PRKDC: variants seen among roughly 807,000 people sequenced by gnomAD.
The protein encoded by PRKDC is DNA-dependent protein kinase catalytic subunit.
PRKDC carries 82 observed loss-of-function variants against 486.9 expected under a neutral mutation model. That is an observed-to-expected ratio of 0.17 (90% CI 0.14 to 0.20). The LOEUF (loss-of-function observed/expected upper bound fraction) is 0.20, where lower values mean the gene tolerates loss of function less well. PRKDC is among the 10% of genes least tolerant of loss of function. The pLI is 1.00. For missense variants in PRKDC, 4,504 were observed against 5,038.2 expected (o/e 0.89, Z 3.21); for synonymous variants, 1,895 against 1,837.0 (o/e 1.03, Z -0.81).
At chr8:47,940,595 CAT>C (rs2090427953) in intron 10 of PRKDC, among the ~76,000 whole-genome samples, 1 of 152,208 alleles carries the variant, frequency 6.6e-6, no homozygotes, top group Non-Finnish European at 1.5e-5. Context: ...CTTCACAAAA[CAT>C]ATCATAAATG....
intron 52 of PRKDC, 137 bp downstream of exon 52, chr8:47,852,536 A>C (rs1487786576): frequency 1.9e-6 from 1 of 535,424 alleles, no homozygotes; most frequent in African/African-American, 1.9e-5. Flanking sequence ...TATAGTAAGA[A>C]ACAGTAAAAT....
At position 47,807,122 on chromosome 8, in the gene PRKDC, G is replaced by C. The variant is rs368866781; in HGVS notation, c.9747+15C>G. On this transcript the variant is annotated intron_variant, in intron 69 of 85. Coordinates refer to ENST00000314191, the MANE Select transcript of PRKDC (RefSeq NM_006904.7). ...ATCCTGTGACACAGCAGGGAGGACA[G>C]ACACGAGTACCCACCTGCTTCCGGG... 3 of 1,609,308 alleles carry C rather than the reference G, an allele frequency of 1.9e-6. No individual in the cohort carries two copies. The highest frequency in any genetic ancestry group is 2.5e-6 in the Non-Finnish European group (3 of 1,177,252).
At chr8:47,872,362 G>C (rs1483461506) in intron 40 of PRKDC, among the ~76,000 whole-genome samples, 1 of 151,970 alleles carries the variant, frequency 6.6e-6, no homozygotes, top group Non-Finnish European at 1.5e-5. Flanking sequence ...GACAGGAAGG[G>C]AAGCAAGGAG....
chr8:47,856,008 T>C (rs1305721198), intron 49 of PRKDC, among the ~76,000 whole-genome samples: 2 of 152,214 alleles, frequency 1.3e-5, no homozygotes, highest in African/African-American at 2.4e-5. Flanking sequence ...TCCACTCTCT[T>C]GAGTTCAGCT....
At chr8:47,806,392 C>T (rs781289521) in intron 69 of PRKDC, among the ~76,000 whole-genome samples, 1 of 152,204 alleles carries the variant, frequency 6.6e-6, no homozygotes, top group Non-Finnish European at 1.5e-5. Context: ...AGTTCCTGCT[C>T]TGCCTGCCTC....
At chr8:47,886,832 C>A (rs1038896545) in intron 35 of PRKDC, among the ~76,000 whole-genome samples, 1 of 152,014 alleles carries the variant, frequency 6.6e-6, no homozygotes, top group Non-Finnish European at 1.5e-5. Context: ...GGACTACAAG[C>A]ATGTGCCACC....
intron 9 of PRKDC, 134 bp from the exon 10 acceptor site, chr8:47,943,500 A>T: frequency 3.2e-6 from 3 of 935,652 alleles, no homozygotes; most frequent in Non-Finnish European, 4.6e-6. Flanking sequence ...ACAGTAACCC[A>T]GGGATTCCTG....
chr8:47,953,285 C>T (rs554133715), intron 7 of PRKDC, among the ~76,000 whole-genome samples: 12 of 152,226 alleles, frequency 7.9e-5, no homozygotes, highest in African/African-American at 2.4e-4. Flanking sequence ...CCAGCCTGAG[C>T]GACAGAGCAA....
At chr8:47,957,489 C>T (rs563019871) in intron 1 of PRKDC, 58 bp from the exon 2 acceptor site, 45 of 1,326,570 alleles carry the variant, frequency 3.4e-5, no homozygotes, top group Non-Finnish European at 4.6e-5. Context: ...ATGTAAACCA[C>T]TCCTAAAGGG....
intron 38 of PRKDC, among the ~76,000 whole-genome samples, chr8:47,880,038 G>A (rs1014689750): frequency 1.3e-5 from 2 of 151,776 alleles, no homozygotes; most frequent in South Asian, 2.1e-4. Flanking sequence ...TCATAGAGAC[G>A]GGGTTTTGCC....
At chr8:47,781,626 T>A (rs561323409) in intron 80 of PRKDC, among the ~76,000 whole-genome samples, 4 of 152,274 alleles carry the variant, frequency 2.6e-5, no homozygotes, top group Admixed American at 6.5e-5. Flanking sequence ...AATGTACATG[T>A]TAATTGTAGA....
chr8:47,808,143 TTC>T (rs1348121265), intron 68 of PRKDC, among the ~76,000 whole-genome samples: 2 of 152,210 alleles, frequency 1.3e-5, no homozygotes, highest in East Asian at 1.9e-4. Context: ...ACTGAAAATT[TTC>T]TTTTTTATTT....
At position 47,809,092 on chromosome 8, in the gene PRKDC, G is replaced by A. The variant is rs1389642767; in HGVS notation, c.9558-1766C>T. Among the ~76,000 whole-genome samples the A allele has an allele frequency of 6.0e-5, 9 of 150,240 alleles. No individual in the cohort carries two copies. The East Asian group carries it at 1.8e-3, about 30-fold the overall frequency. ...GAGGAAAAAAGGAGAGGAAAGGAGA[G>A]GGGAGGGGAGTGCAGGGGAGTAGAG... On this transcript the variant is annotated intron_variant, in intron 68 of 85. Coordinates refer to ENST00000314191, the MANE Select transcript of PRKDC (RefSeq NM_006904.7).
At chr8:47,793,658 T>G (rs371886483) in intron 74 of PRKDC, among the ~76,000 whole-genome samples, 1 of 37,122 alleles carries the variant, frequency 2.7e-5, no homozygotes, top group African/African-American at 1.2e-4. Context: ...GAAATAAAAA[T>G]AAAAATAAAT....
At chr8:47,855,009 C>T (rs951138439) in intron 50 of PRKDC, among the ~76,000 whole-genome samples, 2 of 152,178 alleles carry the variant, frequency 1.3e-5, no homozygotes, top group Non-Finnish European at 2.9e-5. Flanking sequence ...GTGGGGACAT[C>T]AGAGGCAAGC....
In PRKDC at chr8:47,800,824, A is replaced by G; in HGVS notation, c.10085T>C (p.Leu3362Pro). 6.2e-7 allele frequency: 1 copy of G among 1,612,124 alleles called. No homozygotes were observed. Among genetic ancestry groups the G allele is most frequent in the Non-Finnish European group, 8.5e-7 (1 of 1,179,090 alleles). Reference protein sequence around the residue: ...EEDKARRILELSGSSSEDSEK... With the variant: ...EEDKARRILEPSGSSSEDSEK... ...TGAATCCTCTGAACTGGATCCAGAA[A>G]GCTCTAAGATTCTTCTAGCCTTGTC... Residue 3362 changes from leucine (L) to proline (P), a missense_variant, in exon 71 of 86, where the codon CTT becomes CCT. By Grantham distance (98) the Leu-to-Pro change is moderately conservative. Transcript: ENST00000314191.
At chr8:47,840,513 G>C (rs2088115217) in intron 54 of PRKDC, among the ~76,000 whole-genome samples, 1 of 152,166 alleles carries the variant, frequency 6.6e-6, no homozygotes, top group Non-Finnish European at 1.5e-5. Context: ...CCAAGATTAT[G>C]TAAGGGGGAA....
Position 47,929,951 on chromosome 8 carries a change from C to G in PRKDC, c.1954G>C (p.Glu652Gln). The G allele has an allele frequency of 6.2e-7, 1 of 1,610,916 alleles. No individual in the cohort carries two copies. Among genetic ancestry groups the G allele is most frequent in the Non-Finnish European group, 8.5e-7 (1 of 1,178,844 alleles). The change falls in exon 18 of 86, where the codon GAA becomes CAA. Residue 652 changes from glutamate (E) to glutamine (Q), a missense_variant. Physicochemically the swap from Glu to Gln is conservative, Grantham distance 29. Coordinates refer to ENST00000314191, the MANE Select transcript of PRKDC (RefSeq NM_006904.7). ...FEPWVYSFSY[E>Q]LILQSTRLPL... The stretch of plus-strand genomic sequence containing the variant: ...AACCTTGTAGATTGCAAAATTAATT[C>G]ATATGAAAATGAGTACACCCATGGT...
chr8:47,912,957 C>A (rs1441879199), intron 24 of PRKDC, among the ~76,000 whole-genome samples: 1 of 152,142 alleles, frequency 6.6e-6, no homozygotes, highest in African/African-American at 2.4e-5. Context: ...GAGCTTTGGA[C>A]ACAATGTGTT....
Sources: allele counts gnomAD v4.1 joint callset (sites outside exome capture counted in the v4.1 genomes callset), GRCh38; gene constraint gnomAD v4.1.1; transcripts MANE v1.5; gene names NCBI Gene and HGNC (gene_info 2026-07-23, HGNC 2026-07-21).